Variants in THSD4 observed in about 807,000 individuals in gnomAD.
The protein encoded by THSD4 is thrombospondin type-1 domain-containing protein 4.
A neutral mutation model predicts 119.0 loss-of-function variants in THSD4; 69 were observed. That is an observed-to-expected ratio of 0.58 (90% CI 0.48 to 0.71). THSD4 has a LOEUF of 0.71. THSD4 is among the 30% of genes least tolerant of loss of function. The pLI, the probability that THSD4 is intolerant of heterozygous loss-of-function variation, is 0.00. For missense variants in THSD4, 1,393 were observed against 1,391.1 expected (o/e 1.00, Z -0.02); for synonymous variants, 524 against 540.4 (o/e 0.97, Z 0.42).
At chr15:71,416,025 G>C (rs1012370572) in intron 7 of THSD4, among the ~76,000 whole-genome samples, 1 of 152,158 alleles carries the variant, frequency 6.6e-6, no homozygotes, top group Non-Finnish European at 1.5e-5. Flanking sequence ...TCGAACTCCT[G>C]ACCTCAGGTA....
chr15:71,229,573 T>A (rs2044044599), intron 4 of THSD4, among the ~76,000 whole-genome samples: 1 of 152,202 alleles, frequency 6.6e-6, no homozygotes, highest in African/African-American at 2.4e-5. Flanking sequence ...AAGAAAAAAG[T>A]CTATGCATGT....
chr15:71,527,124 C>T (rs1293481021), intron 7 of THSD4, among the ~76,000 whole-genome samples: 1 of 152,030 alleles, frequency 6.6e-6, no homozygotes, highest in Non-Finnish European at 1.5e-5. Context: ...CTTTTTTGCC[C>T]TTCTGCCTTT....
At chr15:71,711,741 G>A (rs1171843334) in intron 8 of THSD4, among the ~76,000 whole-genome samples, 1 of 152,052 alleles carries the variant, frequency 6.6e-6, no homozygotes, top group Non-Finnish European at 1.5e-5. Flanking sequence ...CTAATCAAAA[G>A]CAGGAGTGGC....
intron 3 of THSD4, among the ~76,000 whole-genome samples, chr15:71,202,056 G>A (rs2043807979): frequency 6.6e-6 from 1 of 152,176 alleles, no homozygotes; most frequent in South Asian, 2.1e-4. Flanking sequence ...GTTGGTGGTG[G>A]TCTGGACCGT....
intron 6 of THSD4, among the ~76,000 whole-genome samples, chr15:71,339,601 A>C (rs1233717936): frequency 2.0e-5 from 3 of 152,122 alleles, no homozygotes; most frequent in African/African-American, 7.2e-5. Flanking sequence ...AGCACTACCT[A>C]GTATGGTAGG....
chr15:71,489,237 T>C (rs1329287044), intron 7 of THSD4, among the ~76,000 whole-genome samples: 1 of 152,224 alleles, frequency 6.6e-6, no homozygotes, highest in Non-Finnish European at 1.5e-5. Flanking sequence ...ATAAGTTAGT[T>C]GCAGCTAGTT....
chr15:71,125,437 C>T (rs1252172825), intron 1 of THSD4, among the ~76,000 whole-genome samples: 1 of 152,244 alleles, frequency 6.6e-6, no homozygotes, highest in Non-Finnish European at 1.5e-5. Context: ...TGGTCAGATC[C>T]AAAACATGCT....
At chr15:71,581,417 T>C (rs1405940364) in intron 7 of THSD4, among the ~76,000 whole-genome samples, 4 of 152,158 alleles carry the variant, frequency 2.6e-5, no homozygotes, top group South Asian at 2.1e-4. Context: ...GCCCCTTATA[T>C]ATTTTGGATA....
chr15:71,475,204 T>C (rs752540660), intron 7 of THSD4, among the ~76,000 whole-genome samples: 7 of 152,236 alleles, frequency 4.6e-5, no homozygotes, highest in Non-Finnish European at 1.0e-4. Context: ...GCCATCTGTC[T>C]CCTCTTGAAA....
intron 6 of THSD4, among the ~76,000 whole-genome samples, chr15:71,358,956 C>G (rs2045857934): frequency 6.6e-6 from 1 of 152,326 alleles, no homozygotes; most frequent in African/African-American, 2.4e-5. Flanking sequence ...CACACCCTGC[C>G]TAAGCATAGC....
At chr15:71,374,671 G>C (rs1452152040) in intron 6 of THSD4, among the ~76,000 whole-genome samples, 1 of 152,170 alleles carries the variant, frequency 6.6e-6, no homozygotes, top group African/African-American at 2.4e-5. Context: ...CTGACCTTCA[G>C]ACTTTGAATT....
At chr15:71,489,892 T>C (rs1595819513) in intron 7 of THSD4, among the ~76,000 whole-genome samples, 1 of 152,298 alleles carries the variant, frequency 6.6e-6, no homozygotes, top group South Asian at 2.1e-4. Flanking sequence ...CTGAGAAGTA[T>C]TAAAAAAGAA....
intron 8 of THSD4, among the ~76,000 whole-genome samples, chr15:71,702,856 G>A (rs2052319223): frequency 6.6e-6 from 1 of 152,140 alleles, no homozygotes; most frequent in African/African-American, 2.4e-5. Context: ...CTCAAAGGAG[G>A]CAGAGTCCGT....
In THSD4 at chr15:71,633,265, CTTTCTT is replaced by C. The variant is rs1361529184; in HGVS notation, c.1153-27261_1153-27256del. Among the ~76,000 whole-genome samples, 551 of 123,570 alleles carry C rather than the reference CTTTCTT, an allele frequency of 4.5e-3. 5 individuals carry two copies. The East Asian group carries it at 0.055, about 12-fold the overall frequency. 81.1% of individuals were successfully genotyped at this position (123,570 alleles called of 152,430 possible). A position where few individuals can be genotyped will look rare whatever the true frequency, so the allele number is the denominator to read the frequency against. The stretch of plus-strand genomic sequence containing the variant: ...TTTCTTCTTTTCTTTTTCTTTCTTT[CTTTCTT>C]TTTTTTTTTTTTTTTTTTTTTGGAG... On this transcript the variant is annotated intron_variant, in intron 7 of 17. Transcript: ENST00000261862.
chr15:71,558,659 T>TG (rs1383592665), intron 7 of THSD4, among the ~76,000 whole-genome samples: 2 of 152,178 alleles, frequency 1.3e-5, no homozygotes, highest in Non-Finnish European at 2.9e-5. Flanking sequence ...TTTGTAGAGA[T>TG]GGGGTCTTTC....
intron 1 of THSD4, among the ~76,000 whole-genome samples, chr15:71,119,386 C>T (rs1251615387): frequency 1.3e-5 from 2 of 152,176 alleles, no homozygotes; most frequent in African/African-American, 4.8e-5. Context: ...GTTTGGGGAC[C>T]ACTGCCCTGG....
At chr15:71,566,811 G>T (rs34957049) in intron 7 of THSD4, among the ~76,000 whole-genome samples, 24,625 of 151,082 alleles carry the variant, frequency 0.16, 2,023 homozygotes, top group African/African-American at 0.19. Context: ...CCAGACATTG[G>T]CATTTCTTTC....
intron 8 of THSD4, among the ~76,000 whole-genome samples, chr15:71,663,299 G>C (rs552729485): frequency 6.6e-6 from 1 of 151,944 alleles, no homozygotes; most frequent in African/African-American, 2.4e-5. Context: ...GATTCAAAAA[G>C]TCAAGTTCAA....
chr15:71,192,657 T>C (rs1375904146), intron 3 of THSD4, among the ~76,000 whole-genome samples: 8 of 152,156 alleles, frequency 5.3e-5, no homozygotes, highest in Non-Finnish European at 1.2e-4. Flanking sequence ...CTAGACGGGT[T>C]ATAAACTCTT....
Sources: allele counts gnomAD v4.1 joint callset (sites outside exome capture counted in the v4.1 genomes callset), GRCh38; gene constraint gnomAD v4.1.1; transcripts MANE v1.5; gene names NCBI Gene and HGNC (gene_info 2026-07-23, HGNC 2026-07-21).